Variants in NAV3 observed in about 807,000 individuals in gnomAD.
NAV3 encodes the protein neuron navigator 3.
NAV3 carries 87 observed loss-of-function variants against 244.7 expected under a neutral mutation model. The observed-to-expected ratio is 0.36, with a 90% CI of 0.30 to 0.42. The LOEUF (loss-of-function observed/expected upper bound fraction) is 0.42, where lower values mean the gene tolerates loss of function less well. Ranked by LOEUF, NAV3 falls within the 20% of genes least tolerant of loss-of-function variation. NAV3 has a pLI of 1.00. For synonymous variants in NAV3, 1,126 were observed against 1,042.2 expected (o/e 1.08, Z -1.55); for missense variants, 2,663 against 2,893.3 (o/e 0.92, Z 1.83).
At chr12:78,183,121 A>T (rs1958568079) in intron 30 of NAV3, among the ~76,000 whole-genome samples, 1 of 151,994 alleles carries the variant, frequency 6.6e-6, no homozygotes, top group Non-Finnish European at 1.5e-5. Context: ...TTTTTCCTTC[A>T]AAATATAGAC....
intron 3 of NAV3, among the ~76,000 whole-genome samples, chr12:77,958,484 C>T (rs1366879040): frequency 1.3e-5 from 2 of 151,960 alleles, no homozygotes; most frequent in East Asian, 3.9e-4. Flanking sequence ...AAAATATGGA[C>T]CAATTTCTAT....
chr12:78,138,798 G>A (rs919603590), intron 19 of NAV3, among the ~76,000 whole-genome samples: 3 of 152,176 alleles, frequency 2.0e-5, no homozygotes, highest in Non-Finnish European at 2.9e-5. Flanking sequence ...TAAATAATCT[G>A]AATTTCTGAA....
intron 2 of NAV3, among the ~76,000 whole-genome samples, chr12:77,618,922 T>C (rs1871248320): frequency 6.6e-6 from 1 of 152,202 alleles, no homozygotes; most frequent in East Asian, 1.9e-4. Context: ...TATGTTTCTT[T>C]CAGTTTCATT....
At chr12:77,876,263 T>G (rs1178607256) in intron 1 of NAV3, among the ~76,000 whole-genome samples, 1 of 151,990 alleles carries the variant, frequency 6.6e-6, no homozygotes, top group Non-Finnish European at 1.5e-5. Context: ...TCTTCCCACT[T>G]CTCCAATACT....
chr12:78,185,806 G>A lies in NAV3; in HGVS notation c.5790+108G>A, dbSNP rs1289065160. 7 of 905,516 alleles carry A rather than the reference G, an allele frequency of 7.7e-6. No homozygotes were observed. The African/African-American group carries it at 1.0e-4, about 13-fold the overall frequency. The allele number at this position is 905,516 out of a possible 1,614,324, so 56.1% of individuals were successfully genotyped here. On this transcript the variant is annotated intron_variant, in intron 31 of 39. Coordinates refer to ENST00000397909, the MANE Select transcript of NAV3 (RefSeq NM_001024383.2). ...CTGGTAAATATCCTACAACAATTGTGGATTGGCATTAGCTTAACATGTCAT... is the reference window on the plus strand; with the variant it reads ...CTGGTAAATATCCTACAACAATTGTAGATTGGCATTAGCTTAACATGTCAT...
chr12:78,105,730 G>C (rs889984077), intron 12 of NAV3, among the ~76,000 whole-genome samples: 5 of 151,560 alleles, frequency 3.3e-5, no homozygotes, highest in African/African-American at 1.2e-4. Context: ...AAAAACAAAA[G>C]GTTTCTTCAT....
intron 2 of NAV3, among the ~76,000 whole-genome samples, chr12:77,746,630 A>G (rs1365334818): frequency 6.6e-6 from 1 of 152,128 alleles, no homozygotes; most frequent in Non-Finnish European, 1.5e-5. Flanking sequence ...AGGAGGATTG[A>G]GGGAATGGAA....
Position 78,122,228 on chromosome 12 carries a change from G to C in NAV3, c.4038G>C (p.Trp1346Cys), listed in dbSNP as rs1955703142. The C allele has an allele frequency of 1.2e-6, 2 of 1,614,048 alleles. No individual in the cohort carries two copies. The highest frequency in any genetic ancestry group is 1.7e-6 in the Non-Finnish European group (2 of 1,180,002). ...VHSFTSGGLV[W>C]AANMSSSSAG... ...CTTTCACATCAGGTGGTCTCGTGTG[G>C]GCTGCCAATATGAGCAGTTCCTCTG... Residue 1346 changes from tryptophan to cysteine, a missense_variant, in exon 16 of 40, where the codon TGG becomes TGC. By Grantham distance (215) the Trp-to-Cys change is radical. Coordinates refer to ENST00000397909, the MANE Select transcript of NAV3 (RefSeq NM_001024383.2).
chr12:78,127,297 T>C (rs1955953694), intron 17 of NAV3, 89 bp downstream of exon 17: 2 of 1,301,592 alleles, frequency 1.5e-6, no homozygotes, highest in South Asian at 1.2e-5. Context: ...TTGTTTGCAA[T>C]GTAGCACATG....
At chr12:77,866,659 T>G (rs1880079977) in intron 1 of NAV3, among the ~76,000 whole-genome samples, 1 of 152,244 alleles carries the variant, frequency 6.6e-6, no homozygotes, top group Non-Finnish European at 1.5e-5. Flanking sequence ...GCCCTTTGAT[T>G]AGGATTTAAA....
chr12:78,149,140 A>G (rs911379006), intron 22 of NAV3, among the ~76,000 whole-genome samples: 3 of 152,094 alleles, frequency 2.0e-5, no homozygotes, highest in Non-Finnish European at 2.9e-5. Context: ...GTTGTTTCTA[A>G]TAAGATTGGA....
chr12:78,140,135 AT>A (rs1204155792), intron 19 of NAV3, 146 bp from the exon 20 acceptor site: 1 of 662,262 alleles, frequency 1.5e-6, no homozygotes, highest in Admixed American at 2.8e-5. Context: ...CTGCCAAAAA[AT>A]TATAGCAGGC....
At chr12:78,009,954 C>T (rs1874971821) in intron 8 of NAV3, among the ~76,000 whole-genome samples, 1 of 151,952 alleles carries the variant, frequency 6.6e-6, no homozygotes, top group African/African-American at 2.4e-5. Flanking sequence ...GTGGCTCATG[C>T]CTGTAATCCC....
chr12:78,083,799 A>G (rs1339716555), intron 12 of NAV3, among the ~76,000 whole-genome samples: 1 of 152,152 alleles, frequency 6.6e-6, no homozygotes, highest in Non-Finnish European at 1.5e-5. Flanking sequence ...AGTGCCTGCA[A>G]TTCATTGATA....
At chr12:77,998,532 A>G (rs920979756) in intron 7 of NAV3, 56 bp downstream of exon 7, 15 of 1,495,850 alleles carry the variant, frequency 1.0e-5, no homozygotes, top group Non-Finnish European at 1.3e-5. Context: ...TGTGAATTGC[A>G]TGCTAAATCT....
intron 2 of NAV3, among the ~76,000 whole-genome samples, chr12:77,657,134 C>T (rs1410620393): frequency 6.6e-6 from 1 of 151,974 alleles, no homozygotes; most frequent in Non-Finnish European, 1.5e-5. Context: ...AATAGAGACA[C>T]AAAAAACCCT....
chr12:77,758,861 G>A (rs1869323250), intron 2 of NAV3, among the ~76,000 whole-genome samples: 1 of 152,190 alleles, frequency 6.6e-6, no homozygotes, highest in South Asian at 2.1e-4. Flanking sequence ...CATTTGAAAA[G>A]TTTGAGAATT....
In NAV3 at chr12:78,119,505, C is replaced by T. The variant is rs1955573210; in HGVS notation, c.3309C>T (p.Gly1103=). The T allele has an allele frequency of 6.2e-7, 1 of 1,614,130 alleles. No individual in the cohort carries two copies. The highest frequency in any genetic ancestry group is 8.5e-7 in the Non-Finnish European group (1 of 1,180,028). ...AAATTCCAAAATCTGCTGCCATTGG[C>T]GGGAAGTCAAATGCAGGGAGAAAAA... ...LGKIPKSAAI[G]GKSNAGRKTS... The change falls in exon 15 of 40, where the codon GGC becomes GGT. Residue 1103 remains glycine, a synonymous_variant. Transcript: ENST00000397909.
chr12:78,058,926 G>C, intron 11 of NAV3, 70 bp from the exon 12 acceptor site: 1 of 1,381,760 alleles, frequency 7.2e-7, no homozygotes, highest in Non-Finnish European at 9.6e-7. Flanking sequence ...GACACCGTTT[G>C]TTTATTAAGT....
Sources: allele counts gnomAD v4.1 joint callset (sites outside exome capture counted in the v4.1 genomes callset), GRCh38; gene constraint gnomAD v4.1.1; transcripts MANE v1.5; gene names NCBI Gene and HGNC (gene_info 2026-07-23, HGNC 2026-07-21).